DAG1: variants seen among roughly 807,000 people sequenced by gnomAD.
DAG1 encodes dystroglycan 1 (dystrophin-associated glycoprotein 1).
DAG1 carries 8 observed loss-of-function variants against 46.1 expected under a neutral mutation model. That is an observed-to-expected ratio of 0.17 (90% confidence interval 0.10 to 0.31). The LOEUF is 0.31. DAG1 is among the 10% of genes least tolerant of loss of function. The pLI, the probability that DAG1 is intolerant of heterozygous loss-of-function variation, is 1.00. For missense variants in DAG1, 1,003 were observed against 1,189.9 expected (o/e 0.84, Z 2.31); for synonymous variants, 495 against 481.8 (o/e 1.03, Z -0.36).
chr3:49,495,496 AT>A lies in DAG1; in HGVS notation c.-116-14917del, dbSNP rs569789561. 6.6e-5 allele frequency among the ~76,000 whole-genome samples: 10 copies of A among 152,226 alleles called. No individual in the cohort carries two copies. The South Asian group carries it at 2.1e-3, about 32-fold the overall frequency. The stretch of plus-strand genomic sequence containing the variant: ...GAGAATTGTAGTTTGCTTTAATTGC[AT>A]TTTTTGATGCAACGCGGGTGCAAGG... On this transcript the variant is annotated intron_variant, in intron 1 of 2. Coordinates refer to ENST00000308775, the MANE Select transcript of DAG1 (RefSeq NM_004393.6).
intron 2 of DAG1, among the ~76,000 whole-genome samples, chr3:49,529,886 T>C (rs893973644): frequency 2.0e-5 from 3 of 152,176 alleles, no homozygotes; most frequent in Non-Finnish European, 4.4e-5. Flanking sequence ...TGACCAGTTA[T>C]ATCTCTGTGG....
At chr3:49,522,566 A>C (rs1010613315) in intron 2 of DAG1, among the ~76,000 whole-genome samples, 1 of 147,454 alleles carries the variant, frequency 6.8e-6, no homozygotes, top group African/African-American at 2.5e-5. Context: ...CAGCCTCCTG[A>C]GTAGCTGGGG....
chr3:49,519,355 A>G (rs750671703), intron 2 of DAG1, among the ~76,000 whole-genome samples: 1 of 152,024 alleles, frequency 6.6e-6, no homozygotes, highest in Non-Finnish European at 1.5e-5. Context: ...CCTGCAGACA[A>G]TGTGGACCTT....
In DAG1 at chr3:49,532,341, C is replaced by T. The variant is rs988795933; in HGVS notation, c.1830C>T (p.Ala610=). The T allele has an allele frequency of 6.2e-7, 1 of 1,614,060 alleles. No homozygotes were observed. The highest frequency in any genetic ancestry group is 8.5e-7 in the Non-Finnish European group (1 of 1,180,060). ...ATAGGGCTCCTGCAAGGTTCAAGGC[C>T]AAGTTTGTGGGTGACCCGGCACTGG... is the stretch of plus-strand genomic sequence containing the variant. ...QGDRAPARFK[A]KFVGDPALVL... Residue 610 remains alanine (A), a synonymous_variant, in exon 3 of 3, where the codon GCC becomes GCT. Coordinates refer to ENST00000308775, the MANE Select transcript of DAG1 (RefSeq NM_004393.6). This position sits in a 1 kb window ranked among gnomAD's most constrained non-coding sequence, Gnocchi z 5.4.
intron 1 of DAG1, among the ~76,000 whole-genome samples, chr3:49,492,496 A>T (rs1428279756): frequency 6.6e-6 from 1 of 152,036 alleles, no homozygotes; most frequent in Non-Finnish European, 1.5e-5. Flanking sequence ...AAGATAAAAA[A>T]TTAGCCAAGT....
rs149863958 is a variant in DAG1, at chr3:49,517,363, G to A, written c.285+6544G>A. ...GGTAACTGACCTGTGTTTATTTTGT[G>A]TGTCAGCATGCTTTGGAATTATAAT... On this transcript the variant is annotated intron_variant, in intron 2 of 2. Transcript: ENST00000308775. Among the ~76,000 whole-genome samples the A allele has an allele frequency of 5.0e-3, 761 of 152,252 alleles. 5 individuals carry two copies. Among genetic ancestry groups the A allele is most frequent in the African/African-American group, 0.018 (729 of 41,538 alleles).
intron 1 of DAG1, among the ~76,000 whole-genome samples, chr3:49,478,045 T>C (rs2049733546): frequency 6.6e-6 from 1 of 151,242 alleles, no homozygotes; most frequent in Admixed American, 6.6e-5. Context: ...GGCGGGTACA[T>C]CATTTTAGGT....
intron 2 of DAG1, among the ~76,000 whole-genome samples, chr3:49,524,490 A>G (rs1336220071): frequency 6.6e-6 from 1 of 151,894 alleles, no homozygotes; most frequent in African/African-American, 2.4e-5. Flanking sequence ...AATCTGGACA[A>G]CATAGGAAGA....
At chr3:49,514,805 A>ATGTGTGTG (rs138689783) in intron 2 of DAG1, among the ~76,000 whole-genome samples, 1 of 145,532 alleles carries the variant, frequency 6.9e-6, no homozygotes, top group African/African-American at 2.6e-5. Context: ...CTCCTGGCAT[A>ATGTGTGTG]TGTGTGTGTG....
At chr3:49,493,527 T>C (rs951336409) in intron 1 of DAG1, among the ~76,000 whole-genome samples, 3 of 152,194 alleles carry the variant, frequency 2.0e-5, no homozygotes, top group Non-Finnish European at 4.4e-5. Context: ...CTTGTTAATC[T>C]GGGTGTAAAT....
At chr3:49,486,722 C>T (rs770381421) in intron 1 of DAG1, among the ~76,000 whole-genome samples, 4 of 152,026 alleles carry the variant, frequency 2.6e-5, no homozygotes, top group Non-Finnish European at 4.4e-5. Flanking sequence ...AGGCTGGTCT[C>T]GAACTCCTGA....
At chr3:49,494,078 G>C (rs1405441992) in intron 1 of DAG1, among the ~76,000 whole-genome samples, 2 of 152,172 alleles carry the variant, frequency 1.3e-5, no homozygotes, top group Admixed American at 1.3e-4. Flanking sequence ...AGGAAAACCT[G>C]AGCAAAGGGA....
intron 2 of DAG1, among the ~76,000 whole-genome samples, chr3:49,530,013 G>A (rs1014899020): frequency 1.3e-5 from 2 of 152,164 alleles, no homozygotes; most frequent in Non-Finnish European, 2.9e-5. Flanking sequence ...AGGTCTCTGT[G>A]TATTTCCTGT....
chr3:49,474,702 C>G (rs941714028), intron 1 of DAG1, among the ~76,000 whole-genome samples: 3 of 151,968 alleles, frequency 2.0e-5, no homozygotes, highest in Admixed American at 1.3e-4. Flanking sequence ...AGGCTGGTCT[C>G]GAACTTTTGA....
At chr3:49,511,131 A>G (rs531152676) in intron 2 of DAG1, among the ~76,000 whole-genome samples, 2 of 152,350 alleles carry the variant, frequency 1.3e-5, no homozygotes, top group East Asian at 3.9e-4. Flanking sequence ...GTTACCTTTA[A>G]TAAAACACAG....
At chr3:49,501,147 G>T (rs1480900297) in intron 1 of DAG1, among the ~76,000 whole-genome samples, 2 of 152,162 alleles carry the variant, frequency 1.3e-5, no homozygotes, top group Admixed American at 6.5e-5. Context: ...AGAGCACTTA[G>T]TCATGCCCAT....
intron 2 of DAG1, among the ~76,000 whole-genome samples, chr3:49,525,618 C>T (rs547493679): frequency 2.0e-5 from 3 of 148,786 alleles, no homozygotes; most frequent in Non-Finnish European, 3.0e-5. Context: ...AGTGCCGTGG[C>T]GTGATCTCGG....
chr3:49,471,865 C>T (rs2049528934), intron 1 of DAG1, among the ~76,000 whole-genome samples: 1 of 152,138 alleles, frequency 6.6e-6, no homozygotes, highest in Non-Finnish European at 1.5e-5. Context: ...GACCAGGGAA[C>T]CCATGATTAA....
chr3:49,518,636 T>G (rs1478033411), intron 2 of DAG1, among the ~76,000 whole-genome samples: 1 of 152,232 alleles, frequency 6.6e-6, no homozygotes, highest in Non-Finnish European at 1.5e-5. Context: ...CTGACACTCC[T>G]TCATGTTCTG....
Sources: allele counts gnomAD v4.1 joint callset (sites outside exome capture counted in the v4.1 genomes callset), GRCh38; gene constraint gnomAD v4.1.1; non-coding constraint Gnocchi (gnomAD v3.1); transcripts MANE v1.5; gene names NCBI Gene and HGNC (gene_info 2026-07-23, HGNC 2026-07-21).